FGF14: variants seen among roughly 807,000 people sequenced by gnomAD.
FGF14 encodes fibroblast growth factor homologous factor 4.
FGF14 carries 5 observed loss-of-function variants against 25.5 expected under a neutral mutation model. The observed-to-expected ratio is 0.20, with a 90% confidence interval of 0.10 to 0.41. The LOEUF is 0.41. Among genes scored for constraint, FGF14 ranks in the 10% least tolerant of loss-of-function variants. The pLI is 1.00. For missense variants in FGF14, 222 were observed against 320.1 expected (o/e 0.69, Z 2.34); for synonymous variants, 138 against 118.3 (o/e 1.17, Z -1.08).
chr13:101,986,748 G>T (rs983393729), intron 1 of FGF14, among the ~76,000 whole-genome samples: 1 of 152,068 alleles, frequency 6.6e-6, no homozygotes, highest in Non-Finnish European at 1.5e-5. Flanking sequence ...TCTCATAGAC[G>T]TGTCAAACCC....
intron 1 of FGF14, among the ~76,000 whole-genome samples, chr13:102,035,877 A>G (rs772767461): frequency 1.7e-4 from 26 of 152,258 alleles, no homozygotes; most frequent in Non-Finnish European, 2.5e-4. Context: ...GCTAAAGACA[A>G]GGATCAAAGA....
intron 1 of FGF14, among the ~76,000 whole-genome samples, chr13:101,939,196 A>G (rs561285827): frequency 6.6e-6 from 1 of 152,330 alleles, no homozygotes; most frequent in Admixed American, 6.5e-5. Flanking sequence ...TTCCTTTGTT[A>G]TACTTTCTCA....
upstream of FGF14, among the ~76,000 whole-genome samples, chr13:101,917,622 C>T (rs574102799): frequency 2.6e-5 from 4 of 151,524 alleles, no homozygotes; most frequent in East Asian, 5.9e-4. Flanking sequence ...AGCACCAACG[C>T]CCCCCCGTCG....
chr13:101,992,104 A>C (rs1017526047), intron 1 of FGF14, among the ~76,000 whole-genome samples: 7 of 152,124 alleles, frequency 4.6e-5, no homozygotes, highest in Non-Finnish European at 1.0e-4. Context: ...CCTAAACATA[A>C]GCCTACAGAT....
intron 1 of FGF14, among the ~76,000 whole-genome samples, chr13:102,263,470 T>A (rs940140943): frequency 6.6e-6 from 1 of 152,078 alleles, no homozygotes; most frequent in Non-Finnish European, 1.5e-5. Context: ...GCACCCCCAA[T>A]AGAGACAGTA....
chr13:101,860,860 T>C (rs181593491), intron 3 of FGF14, among the ~76,000 whole-genome samples: 1 of 152,246 alleles, frequency 6.6e-6, no homozygotes, highest in East Asian at 1.9e-4. Context: ...TTATAAATAT[T>C]GATGTTTGTG....
chr13:102,106,339 G>C (rs2044912244), intron 1 of FGF14, among the ~76,000 whole-genome samples: 1 of 152,102 alleles, frequency 6.6e-6, no homozygotes, highest in Non-Finnish European at 1.5e-5. Context: ...GGGAGGCCGA[G>C]GTGGGTGAAT....
Position 101,916,668 on chromosome 13 carries a change from G to A in FGF14, c.-23C>T. On this transcript the variant is annotated 5_prime_UTR_variant, in exon 1 of 5. Coordinates refer to ENST00000376143, the MANE Select transcript of FGF14 (RefSeq NM_004115.4). ...CATGGTGGCCCCGGGAACGGGTCCG[G>A]GGAGGGAGGGCGCGGGAGGACGGCG... is the stretch of plus-strand genomic sequence containing the variant. 6.7e-7 allele frequency: 1 copy of A among 1,498,960 alleles called. No homozygotes were observed. Among genetic ancestry groups the A allele is most frequent in the African/African-American group, 1.4e-5 (1 of 71,628 alleles). 92.9% of individuals were successfully genotyped at this position (1,498,960 alleles called of 1,614,324 possible).
At chr13:101,918,261 C>T (rs544612862), upstream of FGF14, among the ~76,000 whole-genome samples, 1 of 152,120 alleles carries the variant, frequency 6.6e-6, no homozygotes, top group East Asian at 1.9e-4. Flanking sequence ...GAACACAGTT[C>T]CGTGGTTTCT....
intron 1 of FGF14, among the ~76,000 whole-genome samples, chr13:101,890,150 A>C (rs2046196422): frequency 6.6e-6 from 1 of 152,166 alleles, no homozygotes; most frequent in Non-Finnish European, 1.5e-5. Context: ...GTAATAGTTC[A>C]GTTCTGATAT....
At chr13:102,063,852 CTT>C (rs2140117049) in intron 1 of FGF14, among the ~76,000 whole-genome samples, 1 of 152,116 alleles carries the variant, frequency 6.6e-6, no homozygotes, top group South Asian at 2.1e-4. Context: ...AAAAAAAACA[CTT>C]AATATATTAT....
In FGF14 at chr13:102,400,854, T is replaced by C. The variant is rs2139294276; in HGVS notation, c.208+617A>G. Among the ~76,000 whole-genome samples the C allele has an allele frequency of 6.6e-6, 1 of 152,122 alleles. No individual in the cohort carries two copies. Among genetic ancestry groups the C allele is most frequent in the East Asian group, 1.9e-4 (1 of 5,156 alleles). On this transcript the variant is annotated intron_variant, in intron 1 of 4. Coordinates refer to the FGF14 transcript ENST00000376131. The surrounding 1 kb of genome is among the most constrained non-coding windows in gnomAD (Gnocchi z 4.3). ...TGGGGTTCCCTCCCGGCGCAAGCCT[T>C]GCTCAAGTATTCCCGGTGGCAGGAT...
chr13:102,023,530 CCA>C (rs1423163013), intron 1 of FGF14, among the ~76,000 whole-genome samples: 1 of 151,910 alleles, frequency 6.6e-6, no homozygotes, highest in Non-Finnish European at 1.5e-5. Context: ...TACAACATCA[CCA>C]CTCTCTAATT....
At chr13:101,800,304 C>T (rs185069715) in intron 3 of FGF14, among the ~76,000 whole-genome samples, 456 of 151,908 alleles carry the variant, frequency 3.0e-3, no homozygotes, top group Non-Finnish European at 5.2e-3. Context: ...ACAAATGATA[C>T]GGAAATATAA....
intron 1 of FGF14, among the ~76,000 whole-genome samples, chr13:102,068,439 G>C (rs149494486): frequency 1.3e-5 from 2 of 152,336 alleles, no homozygotes; most frequent in East Asian, 1.9e-4. Flanking sequence ...GCCAAGGCCA[G>C]AGTCGTCTTC....
At chr13:102,352,528 A>C (rs2057312833) in intron 1 of FGF14, among the ~76,000 whole-genome samples, 1 of 152,158 alleles carries the variant, frequency 6.6e-6, no homozygotes, top group African/African-American at 2.4e-5. Flanking sequence ...ATGTTAAGAT[A>C]TTGGCCGGGC....
intron 1 of FGF14, among the ~76,000 whole-genome samples, chr13:102,008,910 T>C (rs1304777532): frequency 6.6e-6 from 1 of 152,140 alleles, no homozygotes; most frequent in Non-Finnish European, 1.5e-5. Context: ...AATTTTACCA[T>C]TTCTAAATCT....
At chr13:101,842,889 T>G (rs752559511) in intron 3 of FGF14, among the ~76,000 whole-genome samples, 86 of 152,044 alleles carry the variant, frequency 5.7e-4, no homozygotes, top group Non-Finnish European at 1.1e-3. Context: ...TGGGACACCT[T>G]TGAGGATAAA....
At chr13:102,381,722 AG>A (rs2058187984) in intron 1 of FGF14, among the ~76,000 whole-genome samples, 1 of 152,226 alleles carries the variant, frequency 6.6e-6, no homozygotes, top group Non-Finnish European at 1.5e-5. Flanking sequence ...TAGTAAAAGT[AG>A]GCATGCATTG....
Sources: allele counts gnomAD v4.1 joint callset (sites outside exome capture counted in the v4.1 genomes callset), GRCh38; gene constraint gnomAD v4.1.1; non-coding constraint Gnocchi (gnomAD v3.1); transcripts MANE v1.5; gene names NCBI Gene and HGNC (gene_info 2026-07-23, HGNC 2026-07-21).